Variants in XRCC5 observed in about 807,000 individuals in gnomAD.
The protein encoded by XRCC5 is DNA repair protein Ku80.
Under a neutral mutation model 95.7 loss-of-function variants are expected in XRCC5, and 12 were observed. The ratio of observed to expected loss-of-function variants is 0.13; its 90% CI spans 0.08 to 0.20. XRCC5 has a LOEUF of 0.20. Among genes scored for constraint, XRCC5 ranks in the 10% least tolerant of loss-of-function variants. XRCC5 has a pLI of 1.00. For missense variants in XRCC5, 595 were observed against 873.9 expected, an observed-to-expected ratio of 0.68 and a Z score of 4.02; for synonymous variants, 281 against 290.3, an observed-to-expected ratio of 0.97 and a Z score of 0.33.
At chr2:216,136,329 C>G (rs1245888331) in intron 10 of XRCC5, among the ~76,000 whole-genome samples, 3 of 138,600 alleles carry the variant, frequency 2.2e-5, no homozygotes, top group African/African-American at 8.2e-5. Flanking sequence ...GCATTCCAGC[C>G]TGGGCAACAA....
chr2:216,190,405 A>G (rs2106047036), intron 17 of XRCC5, 71 bp downstream of exon 17: 1 of 1,330,840 alleles, frequency 7.5e-7, no homozygotes, highest in East Asian at 2.3e-5. Context: ...GGCATACAGC[A>G]TCCTGGAAAT....
At chr2:216,118,908 A>C (rs1209382591) in intron 4 of XRCC5, 135 bp from the exon 5 acceptor site, 1 of 909,186 alleles carries the variant, frequency 1.1e-6, no homozygotes, top group Non-Finnish European at 1.7e-6. Flanking sequence ...ACTTAATTGG[A>C]CTACTAGAAT....
chr2:216,123,083 A>G (rs1213506266), intron 6 of XRCC5, among the ~76,000 whole-genome samples: 1 of 152,172 alleles, frequency 6.6e-6, no homozygotes, highest in Non-Finnish European at 1.5e-5. Flanking sequence ...GGGTGGTTCA[A>G]ATTCTCAGGG....
At chr2:216,200,137 G>A (rs556854505) in intron 19 of XRCC5, among the ~76,000 whole-genome samples, 1 of 152,124 alleles carries the variant, frequency 6.6e-6, no homozygotes, top group East Asian at 1.9e-4. Context: ...CCAGATGCCC[G>A]CTGTAGTCGC....
intron 16 of XRCC5, among the ~76,000 whole-genome samples, chr2:216,164,925 C>G (rs1689026241): frequency 6.6e-6 from 1 of 152,158 alleles, no homozygotes. Context: ...TACTGAGAAT[C>G]TACTCACATC....
At chr2:216,127,477 T>C (rs956370065) in intron 7 of XRCC5, 59 bp from the exon 8 acceptor site, 1 of 1,536,906 alleles carries the variant, frequency 6.5e-7, no homozygotes, top group Non-Finnish European at 8.7e-7. Flanking sequence ...TAGGTTTTCA[T>C]CTTCTATCAA....
chr2:216,173,487 T>G (rs1473544912), intron 16 of XRCC5, among the ~76,000 whole-genome samples: 1 of 152,250 alleles, frequency 6.6e-6, no homozygotes, highest in East Asian at 1.9e-4. Flanking sequence ...GTGATTTTTA[T>G]TCTTCTGCTA....
intron 8 of XRCC5, among the ~76,000 whole-genome samples, chr2:216,129,890 A>G (rs1457204174): frequency 1.3e-5 from 2 of 151,996 alleles, no homozygotes; most frequent in Non-Finnish European, 2.9e-5. Context: ...GTTAGCCAGG[A>G]TGGTCTCAAT....
intron 16 of XRCC5, among the ~76,000 whole-genome samples, chr2:216,163,561 A>G (rs1044675944): frequency 8.8e-6 from 1 of 113,368 alleles, no homozygotes; most frequent in African/African-American, 2.8e-5. Flanking sequence ...AAGTGCTGGG[A>G]TTACTGTGAG....
At chr2:216,168,531 T>C (rs186314236) in intron 16 of XRCC5, among the ~76,000 whole-genome samples, 16 of 152,368 alleles carry the variant, frequency 1.1e-4, no homozygotes, top group African/African-American at 3.4e-4. Flanking sequence ...TCATCTATTC[T>C]TACCCAGCCT....
intron 5 of XRCC5, among the ~76,000 whole-genome samples, chr2:216,121,816 AG>A (rs1380537111): frequency 6.6e-6 from 1 of 152,186 alleles, no homozygotes; most frequent in African/African-American, 2.4e-5. Flanking sequence ...GGACTTCCTA[AG>A]GCCTTGTGCC....
chr2:216,195,411 C>T lies in XRCC5; in HGVS notation c.2109+425C>T, dbSNP rs75759417. Among the ~76,000 whole-genome samples, 54 of 123,356 alleles carry T rather than the reference C, an allele frequency of 4.4e-4. No homozygotes were observed. The East Asian group carries it at 0.014, about 31-fold the overall frequency. 80.9% of individuals were successfully genotyped at this position (123,356 alleles called of 152,430 possible). A position where few individuals can be genotyped will look rare whatever the true frequency, so the allele number is the denominator to read the frequency against. On this transcript the variant is annotated intron_variant, in intron 19 of 20. Coordinates refer to ENST00000392132, the MANE Select transcript of XRCC5 (RefSeq NM_021141.4). Reference sequence around the variant, plus strand: ...TTTTCTCTTTCTTTTCTCTCTCTCTCTGTTTCTTTCTTTCTTTTTTTTTTT... The same window carrying T: ...TTTTCTCTTTCTTTTCTCTCTCTCTTTGTTTCTTTCTTTCTTTTTTTTTTT...
At chr2:216,179,630 G>T (rs185694099) in intron 16 of XRCC5, among the ~76,000 whole-genome samples, 1 of 152,264 alleles carries the variant, frequency 6.6e-6, no homozygotes, top group East Asian at 1.9e-4. Flanking sequence ...GCAGACAGAG[G>T]GAGCAGCATG....
In XRCC5 at chr2:216,187,786, GACAC is replaced by G. The variant is rs149998611; in HGVS notation, c.1835-2406_1835-2403del. On this transcript the variant is annotated intron_variant, in intron 16 of 20. Transcript: ENST00000392132. ...AGTATCTGTGATGCCATGAACTCCT[GACAC>G]ACACACACACACACACACACACACA... Among the ~76,000 whole-genome samples the G allele has an allele frequency of 6.4e-3, 413 of 64,378 alleles. 1 individual carries two copies. The highest frequency in any genetic ancestry group is 0.02 in the Middle Eastern group (2 of 100). 42.2% of individuals were successfully genotyped at this position (64,378 alleles called of 152,430 possible).
At position 216,111,331 on chromosome 2, in the gene XRCC5, G is replaced by A. The variant is rs927373138; in HGVS notation, c.22-1685G>A. 1.2e-4 allele frequency: 54 copies of A among 433,178 alleles called. No homozygotes were observed. In the Admixed American group the frequency reaches 1.3e-3, roughly 10 times the overall value. The allele number at this position is 433,178 out of a possible 1,614,324, so 26.8% of individuals were successfully genotyped here. A position where few individuals can be genotyped will look rare whatever the true frequency, so the allele number is the denominator to read the frequency against. ...AAGCCAAGGAGTTTGAGACCAGCCT[G>A]GGCAACACAGTGAGACCCCAACTCT... is the stretch of plus-strand genomic sequence containing the variant. On this transcript the variant is annotated intron_variant, in intron 1 of 20. Transcript: ENST00000392132.
At position 216,192,653 on chromosome 2, in the gene XRCC5, G is replaced by T. The variant is rs201861327; in HGVS notation, c.1959G>T (p.Gln653His). The T allele has an allele frequency of 6.3e-7, 1 of 1,590,874 alleles. No individual in the cohort carries two copies. Among genetic ancestry groups the T allele is most frequent in the African/African-American group, 1.4e-5 (1 of 73,948 alleles). ...REEAIKFSEE[Q>H]RFNNFLKALQ... ...TGCTACCACAGTTTTCAGAAGAGCA[G>T]CGCTTTAACAACTTCCTGAAAGCCC... is the stretch of plus-strand genomic sequence containing the variant. The change falls in exon 18 of 21, where the codon CAG (glutamine) becomes CAT (histidine). Residue 653 changes from glutamine to histidine, a missense_variant. Around this residue, in one of 2 missense-constraint regions of XRCC5, gnomAD observed 309 missense variants for 382.9 expected, o/e 0.81. Transcript: ENST00000392132.
At chr2:216,196,990 A>G (rs565093004) in intron 19 of XRCC5, among the ~76,000 whole-genome samples, 6 of 152,350 alleles carry the variant, frequency 3.9e-5, no homozygotes, top group African/African-American at 1.4e-4. Context: ...AGGTGACAGT[A>G]CATACTAGAG....
At chr2:216,187,473 TG>T (rs1689517254) in intron 16 of XRCC5, among the ~76,000 whole-genome samples, 1 of 70,206 alleles carries the variant, frequency 1.4e-5, no homozygotes, top group Non-Finnish European at 3.0e-5. Flanking sequence ...CAACTGTGTG[TG>T]TGTGTGTGTG....
intron 16 of XRCC5, among the ~76,000 whole-genome samples, chr2:216,186,049 C>G (rs1344106893): frequency 3.3e-5 from 5 of 152,212 alleles, no homozygotes; most frequent in Admixed American, 3.3e-4. Context: ...GGGAAATATC[C>G]TAAATGATGG....
Sources: gnomAD v4.1 joint callset for allele counts (sites outside exome capture counted in the v4.1 genomes callset) on GRCh38, gnomAD v4.1.1 for gene constraint, gnomAD v4.1.1 regional missense constraint, MANE v1.5 for transcripts, NCBI Gene and HGNC (gene_info 2026-07-23, HGNC 2026-07-21) for gene names.